Variants in SEC63 observed in about 807,000 individuals in gnomAD.
SEC63 encodes the protein SEC63 protein translocation regulator.
A neutral mutation model predicts 116.2 loss-of-function variants in SEC63; 56 were observed. That is an observed-to-expected ratio of 0.48 (90% CI 0.39 to 0.60). The LOEUF is 0.60. SEC63 is among the 20% of genes least tolerant of loss of function. SEC63 has a pLI of 0.00. For synonymous variants in SEC63, 273 were observed against 294.6 expected (o/e 0.93, Z 0.75); for missense variants, 668 against 900.0 (o/e 0.74, Z 3.30).
chr6:107,925,702 TA>T (rs1787659889), intron 2 of SEC63, among the ~76,000 whole-genome samples: 1 of 152,228 alleles, frequency 6.6e-6, no homozygotes, highest in Admixed American at 6.5e-5. Flanking sequence ...AGTAAGGTAT[TA>T]AAAGCCCTAA....
At chr6:107,894,503 A>G (rs961275884) in intron 14 of SEC63, among the ~76,000 whole-genome samples, 4 of 11,734 alleles carry the variant, frequency 3.4e-4, no homozygotes, top group African/African-American at 6.2e-4. Flanking sequence ...GCGAGACCCC[A>G]TATCTATAAA....
intron 6 of SEC63, among the ~76,000 whole-genome samples, chr6:107,911,866 G>C (rs753108215): frequency 8.5e-5 from 13 of 152,144 alleles, no homozygotes; most frequent in African/African-American, 1.7e-4. Context: ...CTGGCCAAAG[G>C]TTCCTTTAGC....
chr6:107,883,290 A>G (rs1016124492), intron 16 of SEC63, 144 bp from the exon 17 acceptor site: 5 of 932,210 alleles, frequency 5.4e-6, no homozygotes, highest in Non-Finnish European at 8.0e-6. Context: ...TTAAAATTAT[A>G]AACATTCCTA....
chr6:107,871,022 T>C lies in SEC63; in HGVS notation c.*682A>G, dbSNP rs1296284973. 2 of 153,008 alleles carry C rather than the reference T, an allele frequency of 1.3e-5. No homozygotes were observed. Among genetic ancestry groups the C allele is most frequent in the African/African-American group, 2.4e-5 (1 of 41,466 alleles). The allele number at this position is 153,008 out of a possible 1,614,324, so 9.5% of individuals were successfully genotyped here. On this transcript the variant is annotated 3_prime_UTR_variant, in exon 21 of 21. Transcript: ENST00000369002. ...CTTATCAAAAGAATTAGATCCTGCA[T>C]TGATCTGCTAAGATAGAGGTTTAGA...
intron 17 of SEC63, among the ~76,000 whole-genome samples, chr6:107,882,511 C>CA (rs1396621407): frequency 2.6e-5 from 4 of 152,132 alleles, no homozygotes; most frequent in Non-Finnish European, 4.4e-5. Flanking sequence ...ACCCATGAAA[C>CA]AAGGTGGTAT....
intron 4 of SEC63, among the ~76,000 whole-genome samples, chr6:107,918,279 C>A (rs1192914275): frequency 6.6e-6 from 1 of 152,052 alleles, no homozygotes; most frequent in Non-Finnish European, 1.5e-5. Context: ...CAAAAGATTA[C>A]TGCTCATTGA....
chr6:107,922,938 T>C (rs1787591969), intron 3 of SEC63, among the ~76,000 whole-genome samples: 1 of 151,718 alleles, frequency 6.6e-6, no homozygotes, highest in African/African-American at 2.4e-5. Flanking sequence ...GCTTGGCTAC[T>C]AAGTAAGAAG....
intron 3 of SEC63, among the ~76,000 whole-genome samples, chr6:107,924,018 A>G (rs1009844520): frequency 2.6e-5 from 4 of 152,186 alleles, no homozygotes; most frequent in Non-Finnish European, 1.5e-5. Flanking sequence ...TAATCCCAGC[A>G]CTTTGGGAGG....
At position 107,883,201 on chromosome 6, in the gene SEC63, A is replaced by G. The variant is rs891415246; in HGVS notation, c.1675-55T>C. 47 of 1,602,438 alleles carry G rather than the reference A, an allele frequency of 2.9e-5. No homozygotes were observed. In the East Asian group the frequency reaches 6.7e-4, roughly 23 times the overall value. On this transcript the variant is annotated intron_variant, in intron 16 of 20. Transcript: ENST00000369002. ...TGCATATCTCAATGAGAACATATCA[A>G]TCTGAATCCCTGAAGTTAACTTATT... is the stretch of plus-strand genomic sequence containing the variant.
At chr6:107,900,726 T>C (rs755803732) in intron 13 of SEC63, among the ~76,000 whole-genome samples, 16 of 152,330 alleles carry the variant, frequency 1.1e-4, no homozygotes, top group East Asian at 5.8e-4. Context: ...ACTAAAAGAA[T>C]GTTCTCATAA....
In SEC63 at chr6:107,867,898, G is replaced by A. The variant is rs2114377284; in HGVS notation, c.*3806C>T. On this transcript the variant is annotated 3_prime_UTR_variant, in exon 21 of 21. Coordinates refer to ENST00000369002, the MANE Select transcript of SEC63 (RefSeq NM_007214.5). The stretch of plus-strand genomic sequence containing the variant: ...TAATCATCTTAATACTTCCTCAATG[G>A]ATTGATCATCTCCACGCCCCTGGGA... 6.6e-6 allele frequency: 1 copy of A among 152,154 alleles called. No individual in the cohort carries two copies. The highest frequency in any genetic ancestry group is 1.9e-4 in the East Asian group (1 of 5,178). The allele number at this position is 152,154 out of a possible 1,614,324, so 9.4% of individuals were successfully genotyped here.
At chr6:107,918,903 CCTTT>C (rs58323102) in intron 4 of SEC63, among the ~76,000 whole-genome samples, 5,392 of 108,176 alleles carry the variant, frequency 0.05, 369 homozygotes, top group African/African-American at 0.16. Flanking sequence ...AAGCTGATTT[CCTTT>C]TTTTTTTTTT....
In SEC63 at chr6:107,881,140, A is replaced by G. The variant is rs778566521; in HGVS notation, c.1935+9T>C. 7.0e-6 allele frequency: 11 copies of G among 1,567,028 alleles called. No homozygotes were observed. Among genetic ancestry groups the G allele is most frequent in the Non-Finnish European group, 9.7e-6 (11 of 1,138,780 alleles). ...GAATAAGGAACACAGTAGCCTGTAT[A>G]TAACTCACCTCAGGAAAGTAAAGGC... On this transcript the variant is annotated intron_variant, in intron 18 of 20. Transcript: ENST00000369002.
intron 1 of SEC63, among the ~76,000 whole-genome samples, chr6:107,931,544 T>C (rs575519789): frequency 1.3e-5 from 2 of 149,162 alleles, no homozygotes; most frequent in South Asian, 4.2e-4. Context: ...GGTCAGGAGA[T>C]AGAGACCATC....
intron 4 of SEC63, among the ~76,000 whole-genome samples, chr6:107,919,311 GT>G (rs2114472165): frequency 6.6e-6 from 1 of 152,312 alleles, no homozygotes; most frequent in Admixed American, 6.5e-5. Context: ...AACTAAACAA[GT>G]GGAACCTGAA....
In SEC63 at chr6:107,921,781, G is replaced by T; in HGVS notation, c.452+16C>A. The T allele has an allele frequency of 6.7e-7, 1 of 1,493,694 alleles. No individual in the cohort carries two copies. Among genetic ancestry groups the T allele is most frequent in the Non-Finnish European group, 9.3e-7 (1 of 1,070,452 alleles). 92.5% of individuals were successfully genotyped at this position (1,493,694 alleles called of 1,614,324 possible). A position where few individuals can be genotyped will look rare whatever the true frequency, so the allele number is the denominator to read the frequency against. On this transcript the variant is annotated intron_variant, in intron 4 of 20. Transcript: ENST00000369002. ...TGTACCATTCTTAAAAATTTGTAAT[G>T]GATCCTGATACTTACGCAGCATAAG...
chr6:107,893,812 A>G (rs1786750845), intron 15 of SEC63, 26 bp downstream of exon 15: 1 of 1,613,388 alleles, frequency 6.2e-7, no homozygotes, highest in Non-Finnish European at 8.5e-7. Context: ...ACTAGGAAAA[A>G]TAGGTTCGGA....
At chr6:107,956,399 G>A (rs1770711722) in intron 1 of SEC63, among the ~76,000 whole-genome samples, 1 of 152,104 alleles carries the variant, frequency 6.6e-6, no homozygotes, top group Non-Finnish European at 1.5e-5. Flanking sequence ...GATAAGAAAA[G>A]CCATTACAGC....
intron 1 of SEC63, among the ~76,000 whole-genome samples, chr6:107,938,658 G>A (rs1388666312): frequency 6.6e-6 from 1 of 151,542 alleles, no homozygotes; most frequent in African/African-American, 2.4e-5. Context: ...CAACTCCCAG[G>A]TTCAAGCAAT....
Sources: allele counts gnomAD v4.1 joint callset (sites outside exome capture counted in the v4.1 genomes callset), GRCh38; gene constraint gnomAD v4.1.1; transcripts MANE v1.5; gene names NCBI Gene and HGNC (gene_info 2026-07-23, HGNC 2026-07-21).